The following UNC93A variants were observed in gnomAD, a reference collection of about 807,000 sequenced individuals.
UNC93A encodes the protein N-acetylglucosamine transporter UNC93A.
In UNC93A, 43 loss-of-function variants were observed where a neutral mutation model predicts 47.5. The ratio of observed to expected loss-of-function variants is 0.91; its 90% CI spans 0.71 to 1.17. The LOEUF is 1.17. UNC93A is among the 50% of genes most tolerant of loss of function. UNC93A has a pLI of 0.00. For synonymous variants in UNC93A, 280 were observed against 258.0 expected (o/e 1.09, Z -0.82); for missense variants, 605 against 577.6 (o/e 1.05, Z -0.49).
At chr6:167,270,586 GC>G (rs1783436261), upstream of UNC93A, among the ~76,000 whole-genome samples, 1 of 152,154 alleles carries the variant, frequency 6.6e-6, no homozygotes, top group East Asian at 1.9e-4. Flanking sequence ...GTATGTTGAA[GC>G]CCTAACCTGG....
At chr6:167,308,182 C>T (rs190292487) in intron 7 of UNC93A, among the ~76,000 whole-genome samples, 4 of 152,306 alleles carry the variant, frequency 2.6e-5, no homozygotes, top group Admixed American at 1.3e-4. Context: ...TAAGTCAAGT[C>T]GCCCATTCGA....
At chr6:167,288,652 GT>G (rs1428390549), upstream of UNC93A, among the ~76,000 whole-genome samples, 1 of 152,180 alleles carries the variant, frequency 6.6e-6, no homozygotes, top group Non-Finnish European at 1.5e-5. Context: ...AGATGTAAAT[GT>G]CAAGAAAATT....
At chr6:167,279,080 C>A (rs1783590865) in intron 1 of UNC93A, among the ~76,000 whole-genome samples, 1 of 152,192 alleles carries the variant, frequency 6.6e-6, no homozygotes, top group African/African-American at 2.4e-5. Context: ...TAAAAATAGT[C>A]CTTTTCCTGC....
At chr6:167,312,210 C>T (rs759572904) in intron 7 of UNC93A, among the ~76,000 whole-genome samples, 3 of 151,312 alleles carry the variant, frequency 2.0e-5, no homozygotes, top group Non-Finnish European at 4.4e-5. Context: ...CCTGGTGAGG[C>T]ACTTTCTTGT....
rs767878117 is a variant in UNC93A at position 167,294,646 on chromosome 6, C to T, written c.217C>T (p.Leu73Phe). ...GCTGGGCTGCAAGGGGACCATCATC[C>T]TCTCCATGTGTGGCTACGTGGCCTT... Reference protein sequence around the residue: ...ERLGCKGTIILSMCGYVAFSV... With the variant: ...ERLGCKGTIIFSMCGYVAFSV... The change falls in exon 2 of 8, where the codon CTC becomes TTC. Residue 73 changes from leucine to phenylalanine, a missense_variant. By Grantham distance (22) the Leu-to-Phe change is conservative. Coordinates refer to ENST00000230256, the MANE Select transcript of UNC93A (RefSeq NM_018974.4). 2.2e-5 allele frequency: 35 copies of T among 1,612,996 alleles called. No homozygotes were observed. Among genetic ancestry groups the T allele is most frequent in the Non-Finnish European group, 1.0e-5 (12 of 1,179,250 alleles).
At chr6:167,306,147 G>A in intron 6 of UNC93A, 97 bp downstream of exon 6, 2 of 1,544,344 alleles carry the variant, frequency 1.3e-6, no homozygotes, top group African/African-American at 1.4e-5. Flanking sequence ...AAGTGCCCCT[G>A]AAACTGCTTT....
In UNC93A at chr6:167,296,687, C is replaced by A. The variant is rs73035199; in HGVS notation, c.499+426C>A. On this transcript the variant is annotated intron_variant, in intron 3 of 7. Coordinates refer to ENST00000230256, the MANE Select transcript of UNC93A (RefSeq NM_018974.4). The stretch of plus-strand genomic sequence containing the variant: ...AATGTTTTATGACAGGCCCCTTATC[C>A]CATGACAGATGTGGACATTGGATGG... 2.4e-3 allele frequency among the ~76,000 whole-genome samples: 365 copies of A among 152,306 alleles called. 3 individuals carry two copies. Among genetic ancestry groups the A allele is most frequent in the Admixed American group, 4.2e-3 (64 of 15,304 alleles).
intron 1 of UNC93A, among the ~76,000 whole-genome samples, chr6:167,278,076 G>A (rs1362122792): frequency 4.6e-5 from 7 of 152,206 alleles, no homozygotes; most frequent in Admixed American, 4.6e-4. Flanking sequence ...TTTAAAATTA[G>A]AGCTACAGAA....
At chr6:167,301,041 A>G (rs1319312471) in intron 4 of UNC93A, among the ~76,000 whole-genome samples, 1 of 152,264 alleles carries the variant, frequency 6.6e-6, no homozygotes, top group African/African-American at 2.4e-5. Context: ...GCAAATGAGC[A>G]TGCCTGCATG....
At chr6:167,299,334 G>T (rs944500124) in intron 4 of UNC93A, among the ~76,000 whole-genome samples, 1 of 152,052 alleles carries the variant, frequency 6.6e-6, no homozygotes, top group Non-Finnish European at 1.5e-5. Context: ...GCACTCTGCC[G>T]GGGTCAGAGG....
At chr6:167,292,669 T>C (rs1363193481) in intron 1 of UNC93A, among the ~76,000 whole-genome samples, 1 of 152,226 alleles carries the variant, frequency 6.6e-6, no homozygotes, top group Non-Finnish European at 1.5e-5. Flanking sequence ...TCATTACTTT[T>C]GGAGTCCCTG....
intron 7 of UNC93A, among the ~76,000 whole-genome samples, chr6:167,312,236 A>T (rs191064095): frequency 6.6e-6 from 1 of 150,600 alleles, no homozygotes; most frequent in Non-Finnish European, 1.5e-5. Flanking sequence ...CATATGGGGG[A>T]TACAGGACAG....
At chr6:167,305,826 C>T (rs1778369494) in intron 5 of UNC93A, 89 bp from the exon 6 acceptor site, 1 of 1,578,916 alleles carries the variant, frequency 6.3e-7, no homozygotes, top group Non-Finnish European at 8.7e-7. Flanking sequence ...CATCTCAGAG[C>T]AGATGTTCTA....
At chr6:167,287,910 G>T (rs1282071076), upstream of UNC93A, among the ~76,000 whole-genome samples, 1 of 152,170 alleles carries the variant, frequency 6.6e-6, no homozygotes, top group Non-Finnish European at 1.5e-5. Flanking sequence ...CAGAGCTGCT[G>T]CTCTCCTTCA....
upstream of UNC93A, among the ~76,000 whole-genome samples, chr6:167,286,953 G>A (rs1474325874): frequency 2.8e-5 from 4 of 143,426 alleles, no homozygotes; most frequent in African/African-American, 1.0e-4. Context: ...ACTCCAGCCT[G>A]GGCGACAGAG....
chr6:167,279,709 A>G (rs969301196), intron 1 of UNC93A, among the ~76,000 whole-genome samples: 1 of 152,224 alleles, frequency 6.6e-6, no homozygotes, highest in Non-Finnish European at 1.5e-5. Flanking sequence ...AATTTTCCAC[A>G]GAAAAATGTG....
chr6:167,292,041 G>T (rs1783853319), intron 1 of UNC93A, among the ~76,000 whole-genome samples: 1 of 152,102 alleles, frequency 6.6e-6, no homozygotes, highest in Non-Finnish European at 1.5e-5. Context: ...TCTATACTTT[G>T]AACTCCTTAT....
upstream of UNC93A, among the ~76,000 whole-genome samples, chr6:167,286,866 T>C (rs1036825465): frequency 4.7e-5 from 7 of 150,504 alleles, no homozygotes; most frequent in Admixed American, 1.3e-4. Flanking sequence ...TAATCCCAGC[T>C]ACTCGGGAGG....
intron 1 of UNC93A, among the ~76,000 whole-genome samples, chr6:167,293,779 C>T (rs1281476088): frequency 6.6e-6 from 1 of 152,322 alleles, no homozygotes; most frequent in East Asian, 1.9e-4. Context: ...GCACCTCCCC[C>T]TGTAGCCACC....
Sources: allele counts gnomAD v4.1 joint callset (sites outside exome capture counted in the v4.1 genomes callset), GRCh38; gene constraint gnomAD v4.1.1; transcripts MANE v1.5; gene names NCBI Gene and HGNC (gene_info 2026-07-23, HGNC 2026-07-21).